PLCB1: variants seen among roughly 807,000 people sequenced by gnomAD.
PLCB1 encodes 1-phosphatidylinositol 4,5-bisphosphate phosphodiesterase beta-1.
A neutral mutation model predicts 161.8 loss-of-function variants in PLCB1; 46 were observed. The observed-to-expected ratio is 0.28, with a 90% CI of 0.22 to 0.36. PLCB1 has a LOEUF of 0.36. PLCB1 is among the 10% of genes least tolerant of loss of function. PLCB1 has a pLI of 1.00. For missense variants in PLCB1, 1,016 were observed against 1,472.5 expected (o/e 0.69, Z 5.07); for synonymous variants, 517 against 503.7 (o/e 1.03, Z -0.35).
chr20:8,359,444 A>G (rs1156362224), intron 2 of PLCB1, among the ~76,000 whole-genome samples: 1 of 152,204 alleles, frequency 6.6e-6, no homozygotes, highest in African/African-American at 2.4e-5. Context: ...TAAAGAGAAT[A>G]TGAACATATT....
intron 1 of PLCB1, among the ~76,000 whole-genome samples, chr20:8,139,591 T>G (rs1336716205): frequency 6.6e-6 from 1 of 152,100 alleles, no homozygotes; most frequent in Non-Finnish European, 1.5e-5. Flanking sequence ...AAAAAAACAT[T>G]TTTTTTGGAA....
intron 2 of PLCB1, among the ~76,000 whole-genome samples, chr20:8,365,468 G>A (rs1986678774): frequency 1.3e-5 from 2 of 152,102 alleles, no homozygotes; most frequent in Admixed American, 6.6e-5. Context: ...TCATGCCTAG[G>A]AAACAAAGGA....
At chr20:8,678,763 A>G (rs1381671850) in intron 9 of PLCB1, among the ~76,000 whole-genome samples, 1 of 152,164 alleles carries the variant, frequency 6.6e-6, no homozygotes, top group African/African-American at 2.4e-5. Flanking sequence ...TTCATCTTCA[A>G]CCAGACTTGG....
chr20:8,401,223 A>G (rs967360277), intron 3 of PLCB1, among the ~76,000 whole-genome samples: 2 of 152,146 alleles, frequency 1.3e-5, no homozygotes, highest in South Asian at 2.1e-4. Context: ...AGTTCTTCTC[A>G]CTGTTTCGTA....
chr20:8,388,737 A>G (rs1987504384), intron 3 of PLCB1, among the ~76,000 whole-genome samples: 1 of 152,126 alleles, frequency 6.6e-6, no homozygotes. Context: ...AGGGCTAACA[A>G]CTTATTGAAT....
intron 3 of PLCB1, among the ~76,000 whole-genome samples, chr20:8,474,729 G>A (rs1359519156): frequency 6.6e-6 from 1 of 152,104 alleles, no homozygotes. Context: ...GACATTTCTG[G>A]ACCTTGGATG....
At chr20:8,312,065 CT>C (rs1984425387) in intron 2 of PLCB1, among the ~76,000 whole-genome samples, 1 of 152,122 alleles carries the variant, frequency 6.6e-6, no homozygotes, top group African/African-American at 2.4e-5. Flanking sequence ...TATAGGTGGC[CT>C]ATCCAGATCC....
intron 18 of PLCB1, among the ~76,000 whole-genome samples, chr20:8,731,746 T>C (rs1457212888): frequency 6.6e-6 from 1 of 152,020 alleles, no homozygotes; most frequent in Non-Finnish European, 1.5e-5. Flanking sequence ...TTGTGTATTA[T>C]TTTTAGAACA....
intron 2 of PLCB1, among the ~76,000 whole-genome samples, chr20:8,367,458 T>G (rs936869618): frequency 6.6e-6 from 1 of 152,216 alleles, no homozygotes; most frequent in Non-Finnish European, 1.5e-5. Flanking sequence ...TTCAGGTGAC[T>G]GTAATGCAGG....
chr20:8,562,671 T>A (rs375440650), intron 3 of PLCB1, among the ~76,000 whole-genome samples: 1 of 152,096 alleles, frequency 6.6e-6, no homozygotes, highest in Non-Finnish European at 1.5e-5. Flanking sequence ...TCTAAAAAAG[T>A]AGATGGCATT....
rs78397226 is a variant in PLCB1, at chr20:8,684,762, T to G, written c.863-170T>G. ...CATGTTTTCTCTATTGTCTGTGACA[T>G]TTGGAAATAATTGTAGTGAAACAGA... On this transcript the variant is annotated intron_variant, in intron 9 of 31. Coordinates refer to ENST00000338037, the MANE Select transcript of PLCB1 (RefSeq NM_015192.4). Among the ~76,000 whole-genome samples, 578 of 152,026 alleles carry G rather than the reference T, an allele frequency of 3.8e-3. 24 individuals are homozygous for G. In the East Asian group the frequency reaches 0.092, roughly 24 times the overall value.
At chr20:8,513,923 A>G (rs1490157615) in intron 3 of PLCB1, among the ~76,000 whole-genome samples, 1 of 151,490 alleles carries the variant, frequency 6.6e-6, no homozygotes, top group Non-Finnish European at 1.5e-5. Context: ...AGCTACCAGG[A>G]GGCTAAGGTG....
At chr20:8,256,403 C>G (rs770448087) in intron 2 of PLCB1, among the ~76,000 whole-genome samples, 2 of 152,008 alleles carry the variant, frequency 1.3e-5, no homozygotes, top group Non-Finnish European at 2.9e-5. Context: ...TCTCCTCTAC[C>G]CTGGTCCTCT....
At chr20:8,443,002 T>TG (rs1304445510) in intron 3 of PLCB1, among the ~76,000 whole-genome samples, 4 of 150,140 alleles carry the variant, frequency 2.7e-5, no homozygotes, top group Non-Finnish European at 5.9e-5. Flanking sequence ...TTTTTTGAGA[T>TG]GGAGTCTCGT....
At position 8,221,748 on chromosome 20, in the gene PLCB1, CAGAGA is replaced by C. The variant is rs1182419743; in HGVS notation, c.177+71385_177+71389del. 6.6e-5 allele frequency among the ~76,000 whole-genome samples: 10 copies of C among 152,210 alleles called. No individual in the cohort carries two copies. The East Asian group carries it at 1.5e-3, about 24-fold the overall frequency. On this transcript the variant is annotated intron_variant, in intron 2 of 31. Transcript: ENST00000338037. The stretch of plus-strand genomic sequence containing the variant: ...AAATATGTATTATATAAGAAACATT[CAGAGA>C]AGAGAAGTTCAAGGTCAAAGCTAAA...
At chr20:8,876,289 C>G (rs890806637) in intron 31 of PLCB1, among the ~76,000 whole-genome samples, 2 of 152,126 alleles carry the variant, frequency 1.3e-5, no homozygotes, top group Admixed American at 1.3e-4. Context: ...TTTCGTCTTT[C>G]TTGTTCATTT....
chr20:8,312,461 G>A (rs767008905), intron 2 of PLCB1, among the ~76,000 whole-genome samples: 1 of 152,026 alleles, frequency 6.6e-6, no homozygotes, highest in Non-Finnish European at 1.5e-5. Flanking sequence ...TCTAAGACAG[G>A]ATCAATGATT....
intron 2 of PLCB1, among the ~76,000 whole-genome samples, chr20:8,362,999 C>A (rs1047651677): frequency 6.6e-6 from 1 of 152,008 alleles, no homozygotes; most frequent in African/African-American, 2.4e-5. Flanking sequence ...CTTTCTGTTC[C>A]CAGTTACTAT....
chr20:8,852,034 A>C (rs913475756), intron 31 of PLCB1, among the ~76,000 whole-genome samples: 12 of 152,210 alleles, frequency 7.9e-5, no homozygotes, highest in Admixed American at 1.3e-4. Flanking sequence ...ACAACAACAA[A>C]AAAAGAAGCC....
Sources: allele counts gnomAD v4.1 joint callset (sites outside exome capture counted in the v4.1 genomes callset), GRCh38; gene constraint gnomAD v4.1.1; transcripts MANE v1.5; gene names NCBI Gene and HGNC (gene_info 2026-07-23, HGNC 2026-07-21).